Variants in IGF2R observed in about 807,000 individuals in gnomAD.
The protein encoded by IGF2R is insulin like growth factor 2 receptor, also known as cation-independent mannose-6-phosphate receptor.
A neutral mutation model predicts 270.6 loss-of-function variants in IGF2R; 91 were observed. The observed-to-expected ratio is 0.34, with a 90% CI of 0.28 to 0.40. IGF2R has a LOEUF of 0.40. IGF2R is among the 10% of genes least tolerant of loss of function. The pLI is 1.00. For missense variants in IGF2R, 2,805 were observed against 3,188.3 expected (o/e 0.88, Z 2.90); for synonymous variants, 1,316 against 1,258.9 (o/e 1.05, Z -0.96).
intron 2 of IGF2R, among the ~76,000 whole-genome samples, chr6:159,994,848 T>C (rs1784028673): frequency 6.6e-6 from 1 of 152,192 alleles, no homozygotes; most frequent in Non-Finnish European, 1.5e-5. Flanking sequence ...ACTGAGACTG[T>C]TCTGTGGCCT....
chr6:160,080,832 T>C (rs578125211), intron 39 of IGF2R, among the ~76,000 whole-genome samples: 7 of 151,780 alleles, frequency 4.6e-5, no homozygotes, highest in Admixed American at 1.3e-4. Flanking sequence ...AATTACTAAT[T>C]TTTGGCCAGG....
rs188752461 is a variant in IGF2R, at chr6:160,106,638, A to G, written c.*1554A>G. On this transcript the variant is annotated 3_prime_UTR_variant, in exon 48 of 48. Coordinates refer to ENST00000356956, the MANE Select transcript of IGF2R (RefSeq NM_000876.4). ...GCCTGTCTTTTCTTTCTGTTAAGTG[A>G]CTGAATTTGGGTTTTAACTCTGGTG... 6.6e-6 allele frequency: 1 copy of G among 151,968 alleles called. No homozygotes were observed. Among genetic ancestry groups the G allele is most frequent in the Non-Finnish European group, 1.5e-5 (1 of 67,998 alleles). 9.4% of individuals were successfully genotyped at this position (151,968 alleles called of 1,614,324 possible). A position where few individuals can be genotyped will look rare whatever the true frequency, so the allele number is the denominator to read the frequency against.
At chr6:159,982,194 A>G (rs933229013) in intron 1 of IGF2R, among the ~76,000 whole-genome samples, 6 of 152,184 alleles carry the variant, frequency 3.9e-5, no homozygotes, top group African/African-American at 1.4e-4. Context: ...CCCAAGGTCC[A>G]GTGTGGGAAC....
chr6:160,046,134 G>A (rs960596338), intron 14 of IGF2R, among the ~76,000 whole-genome samples: 1 of 152,200 alleles, frequency 6.6e-6, no homozygotes, highest in Non-Finnish European at 1.5e-5. Flanking sequence ...TGTTTGAAAA[G>A]GCTTTCGTGT....
At chr6:159,983,246 C>G (rs1783832924) in intron 1 of IGF2R, among the ~76,000 whole-genome samples, 1 of 152,202 alleles carries the variant, frequency 6.6e-6, no homozygotes, top group South Asian at 2.1e-4. Context: ...GATTGCGGCC[C>G]TTGCTGGAAC....
chr6:160,056,864 C>T (rs1281506438), intron 20 of IGF2R, among the ~76,000 whole-genome samples: 1 of 152,188 alleles, frequency 6.6e-6, no homozygotes, highest in African/African-American at 2.4e-5. Flanking sequence ...ATACGTCACT[C>T]CACACCTAAA....
chr6:160,065,045 C>T (rs1778534198), intron 29 of IGF2R, 144 bp downstream of exon 29: 5 of 632,114 alleles, frequency 7.9e-6, no homozygotes, highest in South Asian at 5.6e-5. Flanking sequence ...AATGAGGAGT[C>T]GGGCTAGGTT....
At chr6:160,002,712 T>C (rs1405680709) in intron 2 of IGF2R, among the ~76,000 whole-genome samples, 1 of 152,172 alleles carries the variant, frequency 6.6e-6, no homozygotes, top group African/African-American at 2.4e-5. Context: ...TATTTAATAA[T>C]TCTTATATAT....
intron 30 of IGF2R, among the ~76,000 whole-genome samples, chr6:160,068,688 G>A (rs1051100990): frequency 6.6e-6 from 1 of 152,104 alleles, no homozygotes; most frequent in African/African-American, 2.4e-5. Flanking sequence ...TGGCACTGGT[G>A]AGAGAGGGCC....
chr6:160,001,917 C>A (rs558028484), intron 2 of IGF2R, among the ~76,000 whole-genome samples: 6 of 152,242 alleles, frequency 3.9e-5, no homozygotes, highest in Admixed American at 6.5e-5. Context: ...GGGCACCAAC[C>A]CCCTGCACAG....
At chr6:160,066,012 G>GTT (rs561582188) in intron 29 of IGF2R, among the ~76,000 whole-genome samples, 17 of 118,350 alleles carry the variant, frequency 1.4e-4, no homozygotes, top group East Asian at 2.4e-4. Context: ...TTTTTGTGGT[G>GTT]TTTTTTTTTT....
At chr6:160,103,684 G>C (rs1011305814) in intron 46 of IGF2R, 62 bp from the exon 47 acceptor site, 9 of 1,204,200 alleles carry the variant, frequency 7.5e-6, no homozygotes, top group Admixed American at 1.7e-5. Flanking sequence ...GCTGGCGGGG[G>C]TGGGGCTCCT....
intron 20 of IGF2R, 59 bp from the exon 21 acceptor site, chr6:160,057,961 ATGT>A: frequency 1.1e-6 from 1 of 950,742 alleles, no homozygotes; most frequent in Non-Finnish European, 1.7e-6. Context: ...TGCTGTATGT[ATGT>A]TATGTTCCTG....
At position 160,047,915 on chromosome 6, in the gene IGF2R, A is replaced by G. The variant is rs8191804; in HGVS notation, c.2345+8A>G. On this transcript the variant is annotated splice_region_variant and intron_variant, in intron 17 of 47. Transcript: ENST00000356956. ...GCAGTACGACCTCTCCAGGTGAGGC[A>G]GAGTCAGCTGCTCTGTTTTTGGCCT... 4,921 of 1,565,354 alleles carry G rather than the reference A, an allele frequency of 3.1e-3. 99 individuals are homozygous for G. In the African/African-American group the frequency reaches 0.055, roughly 17 times the overall value.
In IGF2R at chr6:160,061,966, G is replaced by A. The variant is rs747432065; in HGVS notation, c.3582+38G>A. On this transcript the variant is annotated intron_variant, in intron 25 of 47. Transcript: ENST00000356956. The stretch of plus-strand genomic sequence containing the variant: ...ACCAGCAATGAGATGTTGTCCCCGG[G>A]TGACTCCATTTCCCATTTCCCTTGA... 7 of 1,589,540 alleles carry A rather than the reference G, an allele frequency of 4.4e-6. No homozygotes were observed. In the Admixed American group the frequency reaches 8.4e-5, roughly 19 times the overall value.
rs753316949 is a variant in IGF2R at position 160,034,424 on chromosome 6, C to T, written c.1217C>T (p.Ser406Leu). 12 of 1,590,858 alleles carry T rather than the reference C, an allele frequency of 7.5e-6. No individual in the cohort carries two copies. The highest frequency in any genetic ancestry group is 4.5e-5 in the East Asian group (2 of 44,438). Residue 406 changes from serine (S) to leucine (L), a missense_variant, in exon 10 of 48, where the codon TCG becomes TTG. Physicochemically the swap from Ser to Leu is moderately radical, Grantham distance 145 (BLOSUM62 -2). Transcript: ENST00000356956. ...GTGTATTCACAAAAATCTAGATATT[C>T]GGATGGAGACCTCACCTTGATATAT... ...GRYHNQTLRY[S>L]DGDLTLIYFG...
intron 29 of IGF2R, among the ~76,000 whole-genome samples, chr6:160,066,083 C>T (rs61462559): frequency 0.013 from 1,939 of 147,948 alleles, 50 homozygotes; most frequent in African/African-American, 0.046. Context: ...GGCGTGATCT[C>T]GACTCACTGC....
chr6:160,089,193 A>C lies in IGF2R; in HGVS notation c.6407A>C (p.Asn2136Thr). The change falls in exon 43 of 48, where the codon AAT (asparagine) becomes ACT (threonine). Residue 2136 changes from asparagine (N) to threonine (T), a missense_variant. Around this residue, in one of 2 missense-constraint regions of IGF2R, gnomAD observed 1,851 missense variants for 2,207.2 expected, o/e 0.84. Coordinates refer to ENST00000356956, the MANE Select transcript of IGF2R (RefSeq NM_000876.4). ...AAGCCTCAGGAGGTGCAGATGGTGA[A>C]TGGGACCATCACCAACCCTATAAAT... ...AVKPQEVQMVNGTITNPINGK... is the reference protein window; with the variant it reads ...AVKPQEVQMVTGTITNPINGK... The C allele has an allele frequency of 6.2e-7, 1 of 1,613,344 alleles. No homozygotes were observed. The highest frequency in any genetic ancestry group is 8.5e-7 in the Non-Finnish European group (1 of 1,179,314).
rs117606092 is a variant in IGF2R at position 159,992,822 on chromosome 6, T to C, written c.289+1499T>C. ...AATGGTAGTTCTATTTTTAGTTCCT[T>C]GATAGATCTCTATACTGTTTTCCAT... On this transcript the variant is annotated intron_variant, in intron 2 of 47. Coordinates refer to ENST00000356956, the MANE Select transcript of IGF2R (RefSeq NM_000876.4). Among the ~76,000 whole-genome samples, 767 of 152,346 alleles carry C rather than the reference T, an allele frequency of 5.0e-3. 3 individuals carry two copies. The highest frequency in any genetic ancestry group is 8.8e-3 in the Non-Finnish European group (596 of 68,030).
Sources: gnomAD v4.1 joint callset for allele counts (sites outside exome capture counted in the v4.1 genomes callset) on GRCh38, gnomAD v4.1.1 for gene constraint, gnomAD v4.1.1 regional missense constraint, MANE v1.5 for transcripts, NCBI Gene and HGNC (gene_info 2026-07-23, HGNC 2026-07-21) for gene names.